Variants in IMMP2L observed in about 807,000 individuals in gnomAD.
The protein encoded by IMMP2L is mitochondrial inner membrane protease subunit 2.
Under a neutral mutation model 19.3 loss-of-function variants are expected in IMMP2L, and 18 were observed. The observed-to-expected ratio is 0.93, with a 90% confidence interval of 0.64 to 1.38. The LOEUF (loss-of-function observed/expected upper bound fraction) is 1.38. IMMP2L is among the 40% of genes most tolerant of loss of function. IMMP2L has a pLI of 0.00. For synonymous variants in IMMP2L, 76 were observed against 73.0 expected, an observed-to-expected ratio of 1.04 and a Z score of -0.21; for missense variants, 233 against 218.2, an observed-to-expected ratio of 1.07 and a Z score of -0.43.
chr7:111,195,611 A>G (rs1809384993), intron 3 of IMMP2L, among the ~76,000 whole-genome samples: 1 of 152,130 alleles, frequency 6.6e-6, no homozygotes, highest in South Asian at 2.1e-4. Flanking sequence ...TTGAAAGTCT[A>G]ATTACGGACT....
intron 4 of IMMP2L, among the ~76,000 whole-genome samples, chr7:110,907,281 C>T (rs1318137378): frequency 1.3e-5 from 2 of 152,092 alleles, no homozygotes; most frequent in African/African-American, 4.8e-5. Context: ...AATTTAGGAG[C>T]TCTCAGTGTA....
chr7:110,680,540 A>G (rs555982297), intron 5 of IMMP2L, among the ~76,000 whole-genome samples: 82 of 152,302 alleles, frequency 5.4e-4, no homozygotes, highest in African/African-American at 1.9e-3. Flanking sequence ...TCTCAAGAAG[A>G]AACAGATCTA....
rs573048678 is a variant in IMMP2L at position 111,303,568 on chromosome 7, A to G, written c.239+183670T>C. 1.4e-4 allele frequency among the ~76,000 whole-genome samples: 21 copies of G among 152,202 alleles called. 1 individual carries two copies. The South Asian group carries it at 4.1e-3, about 30-fold the overall frequency. ...TATTTTATTTTGTGGGACTCCTTTCATATTTGTGAAGAAATAACTTAAGGT... is the reference window on the plus strand; with the variant it reads ...TATTTTATTTTGTGGGACTCCTTTCGTATTTGTGAAGAAATAACTTAAGGT... On this transcript the variant is annotated intron_variant, in intron 3 of 5. Coordinates refer to ENST00000405709, the MANE Select transcript of IMMP2L (RefSeq NM_032549.4).
intron 3 of IMMP2L, among the ~76,000 whole-genome samples, chr7:111,086,288 A>G (rs1283771487): frequency 6.6e-6 from 1 of 151,638 alleles, no homozygotes; most frequent in Non-Finnish European, 1.5e-5. Context: ...AGAAAAAGAA[A>G]AATCAGCAGG....
rs192433691 is a variant in IMMP2L at position 110,892,875 on chromosome 7, T to C, written c.306-6180A>G. ...CTATTTACATCAAGATATGAAACACTTGAGTTACCCAAAAACGTTTCTTCA... is the reference window on the plus strand; with the variant it reads ...CTATTTACATCAAGATATGAAACACCTGAGTTACCCAAAAACGTTTCTTCA... On this transcript the variant is annotated intron_variant, in intron 4 of 5. Transcript: ENST00000405709. Among the ~76,000 whole-genome samples, 9 of 152,258 alleles carry C rather than the reference T, an allele frequency of 5.9e-5. 1 individual carries two copies. The South Asian group carries it at 6.2e-4, about 11-fold the overall frequency.
intron 3 of IMMP2L, among the ~76,000 whole-genome samples, chr7:111,375,618 C>T (rs556390500): frequency 3.3e-5 from 5 of 151,854 alleles, no homozygotes; most frequent in East Asian, 1.9e-4. Context: ...CTCCACTTCC[C>T]GGGTCAAGCA....
intron 3 of IMMP2L, among the ~76,000 whole-genome samples, chr7:111,461,774 T>C (rs1474780715): frequency 6.6e-6 from 1 of 152,138 alleles, no homozygotes; most frequent in East Asian, 1.9e-4. Context: ...ATGTTTTTCA[T>C]ATTGTTTACA....
At chr7:111,218,403 T>C (rs554430901) in intron 3 of IMMP2L, among the ~76,000 whole-genome samples, 86 of 152,146 alleles carry the variant, frequency 5.7e-4, no homozygotes, top group African/African-American at 2.0e-3. Context: ...TTGTATCGCC[T>C]ACATTTAATA....
At position 111,318,189 on chromosome 7, in the gene IMMP2L, G is replaced by A. The variant is rs150415359; in HGVS notation, c.239+169049C>T. 3.6e-3 allele frequency among the ~76,000 whole-genome samples: 549 copies of A among 152,226 alleles called. 8 individuals carry two copies. Among genetic ancestry groups the A allele is most frequent in the African/African-American group, 0.012 (494 of 41,552 alleles). The stretch of plus-strand genomic sequence containing the variant: ...AAGTTAAAGAGTGAAGGAGGGCCAC[G>A]GGGCCTTTAAGGAGCCCAAATATCA... On this transcript the variant is annotated intron_variant, in intron 3 of 5. Transcript: ENST00000405709.
intron 3 of IMMP2L, among the ~76,000 whole-genome samples, chr7:111,091,824 A>G (rs1175845412): frequency 6.6e-6 from 1 of 151,494 alleles, no homozygotes; most frequent in Admixed American, 6.6e-5. Context: ...ACAGTGGGGG[A>G]GAAGAGAGGA....
chr7:110,974,267 C>T (rs956594932), intron 3 of IMMP2L, among the ~76,000 whole-genome samples: 2 of 152,006 alleles, frequency 1.3e-5, no homozygotes, highest in African/African-American at 2.4e-5. Context: ...AACATGGGAG[C>T]TTTGCCAAGA....
chr7:110,957,685 C>A (rs538727706), intron 4 of IMMP2L, among the ~76,000 whole-genome samples: 1 of 152,076 alleles, frequency 6.6e-6, no homozygotes, highest in Admixed American at 6.6e-5. Flanking sequence ...TCCTTGAACT[C>A]ACCTATCCAT....
chr7:111,034,286 G>C (rs780740142), intron 3 of IMMP2L, among the ~76,000 whole-genome samples: 21 of 151,988 alleles, frequency 1.4e-4, no homozygotes, highest in Non-Finnish European at 2.5e-4. Context: ...TGAATTTACA[G>C]TCTAGTAAAA....
chr7:110,923,745 A>C (rs1255257557), intron 4 of IMMP2L, among the ~76,000 whole-genome samples: 1 of 152,030 alleles, frequency 6.6e-6, no homozygotes, highest in Non-Finnish European at 1.5e-5. Flanking sequence ...ATTTGATCTA[A>C]ATTATGACTC....
At chr7:111,055,678 G>T (rs1429436103) in intron 3 of IMMP2L, among the ~76,000 whole-genome samples, 1 of 152,162 alleles carries the variant, frequency 6.6e-6, no homozygotes, top group Non-Finnish European at 1.5e-5. Context: ...CCTTGGTCAA[G>T]AATATATAAT....
intron 4 of IMMP2L, among the ~76,000 whole-genome samples, chr7:110,913,133 C>A (rs934214957): frequency 3.9e-5 from 6 of 152,074 alleles, no homozygotes; most frequent in Admixed American, 3.9e-4. Flanking sequence ...TTTAGTCTTT[C>A]TTATAATTAG....
intron 3 of IMMP2L, among the ~76,000 whole-genome samples, chr7:111,450,944 A>G (rs1839089831): frequency 6.6e-6 from 1 of 151,764 alleles, no homozygotes; most frequent in Non-Finnish European, 1.5e-5. Context: ...ATGCAGCCAA[A>G]AAACACATGA....
intron 4 of IMMP2L, among the ~76,000 whole-genome samples, chr7:110,889,962 G>C (rs1162553120): frequency 5.3e-5 from 8 of 152,142 alleles, no homozygotes; most frequent in Admixed American, 5.2e-4. Context: ...TAGTTCTGAT[G>C]TATAGTCAGA....
chr7:110,867,738 C>T (rs1808121884), intron 5 of IMMP2L, among the ~76,000 whole-genome samples: 1 of 152,012 alleles, frequency 6.6e-6, no homozygotes, highest in Non-Finnish European at 1.5e-5. Flanking sequence ...GCCAATCCAG[C>T]TCCTCCAGGC....
Sources: allele counts gnomAD v4.1 joint callset (sites outside exome capture counted in the v4.1 genomes callset), GRCh38; gene constraint gnomAD v4.1.1; transcripts MANE v1.5; gene names NCBI Gene and HGNC (gene_info 2026-07-23, HGNC 2026-07-21).